The following FER variants were observed in gnomAD, a reference collection of about 807,000 sequenced individuals.
FER encodes the protein FER tyrosine kinase.
A neutral mutation model predicts 111.0 loss-of-function variants in FER; 63 were observed. The observed-to-expected ratio is 0.57, with a 90% CI of 0.46 to 0.70. The LOEUF (loss-of-function observed/expected upper bound fraction) is 0.70, where lower values mean the gene tolerates loss of function less well. Among genes scored for constraint, FER ranks in the 30% least tolerant of loss-of-function variants. The probability of loss-of-function intolerance (pLI) is 0.00; values close to 1 mark genes in which losing one functional copy is unlikely to be tolerated. For synonymous variants in FER, 327 were observed against 313.9 expected (o/e 1.04, Z -0.44); for missense variants, 914 against 954.0 (o/e 0.96, Z 0.55).
intron 8 of FER, among the ~76,000 whole-genome samples, chr5:108,882,381 G>C (rs1465378621): frequency 6.6e-6 from 1 of 151,722 alleles, no homozygotes. Context: ...TATATAGTCA[G>C]TCTAGTTATA....
In FER at chr5:108,879,709, T is replaced by A. The variant is rs1199457196; in HGVS notation, c.924-3687T>A. 3.8e-4 allele frequency among the ~76,000 whole-genome samples: 52 copies of A among 137,690 alleles called. 3 individuals carry two copies. Among genetic ancestry groups the A allele is most frequent in the African/African-American group, 1.5e-3 (52 of 35,816 alleles). The allele number at this position is 137,690 out of a possible 152,430, so 90.3% of individuals were successfully genotyped here. ...TTTTTAGATTAAAAAAAAATATATA[T>A]ATATATATATATATATTTGAGGCAA... is the stretch of plus-strand genomic sequence containing the variant. On this transcript the variant is annotated intron_variant, in intron 8 of 19. Coordinates refer to ENST00000281092, the MANE Select transcript of FER (RefSeq NM_005246.4).
chr5:109,043,475 T>C (rs750946010), intron 14 of FER, among the ~76,000 whole-genome samples: 37 of 152,318 alleles, frequency 2.4e-4, no homozygotes, highest in Non-Finnish European at 2.5e-4. Flanking sequence ...ATGGTAAAAA[T>C]TGAATATAAG....
At chr5:108,778,476 A>C (rs899937648) in intron 2 of FER, among the ~76,000 whole-genome samples, 40 of 152,326 alleles carry the variant, frequency 2.6e-4, no homozygotes, top group Middle Eastern at 3.4e-3. Flanking sequence ...GTTGTTCCAC[A>C]TCCTCACCAG....
In FER at chr5:109,194,643, C is replaced by T. The variant is rs893809771; in HGVS notation, c.*7068C>T. The T allele has an allele frequency of 2.0e-5, 3 of 152,172 alleles. No individual in the cohort carries two copies. The highest frequency in any genetic ancestry group is 7.2e-5 in the African/African-American group (3 of 41,426). 9.4% of individuals were successfully genotyped at this position (152,172 alleles called of 1,614,324 possible). On this transcript the variant is annotated 3_prime_UTR_variant, in exon 20 of 20. Transcript: ENST00000281092. ...ACCACTTAAGCAATTCATCTGATCCCAGAAGATCATACCTTCTTTTGAAAG... is the reference window on the plus strand; with the variant it reads ...ACCACTTAAGCAATTCATCTGATCCTAGAAGATCATACCTTCTTTTGAAAG...
At position 109,188,493 on chromosome 5, in the gene FER, G is replaced by C. The variant is rs138491064; in HGVS notation, c.*918G>C. ...ACAGAGAGCTGTGAAGCAAGAAACA[G>C]ATTTGAACAGGAGGGTGGGCTGGAG... On this transcript the variant is annotated 3_prime_UTR_variant, in exon 20 of 20. Coordinates refer to ENST00000281092, the MANE Select transcript of FER (RefSeq NM_005246.4). The C allele has an allele frequency of 1.3e-5, 2 of 151,812 alleles. No homozygotes were observed. The highest frequency in any genetic ancestry group is 3.9e-4 in the East Asian group (2 of 5,160). The allele number at this position is 151,812 out of a possible 1,614,324, so 9.4% of individuals were successfully genotyped here. A position where few individuals can be genotyped will look rare whatever the true frequency, so the allele number is the denominator to read the frequency against.
chr5:108,757,370 T>A (rs1751234604), intron 1 of FER, among the ~76,000 whole-genome samples: 1 of 152,146 alleles, frequency 6.6e-6, no homozygotes, highest in South Asian at 2.1e-4. Context: ...ATAACATGTT[T>A]CTTTGTAAAA....
At chr5:109,053,368 G>C (rs1016375960) in intron 16 of FER, among the ~76,000 whole-genome samples, 17 of 136,022 alleles carry the variant, frequency 1.2e-4, no homozygotes, top group African/African-American at 3.9e-4. Flanking sequence ...CAGCGAAAGA[G>C]TGAGACTCCG....
chr5:109,155,028 C>T (rs1755219713), intron 17 of FER, among the ~76,000 whole-genome samples: 1 of 151,790 alleles, frequency 6.6e-6, no homozygotes, highest in South Asian at 2.1e-4. Context: ...TCGATATGTA[C>T]CCTACATTTG....
At chr5:108,780,849 AGT>A (rs1491141272) in intron 2 of FER, among the ~76,000 whole-genome samples, 1 of 123,268 alleles carries the variant, frequency 8.1e-6, no homozygotes, top group African/African-American at 3.6e-5. Context: ...TTTGCTTTGT[AGT>A]TTTTTTTTTT....
chr5:109,158,828 G>T (rs1334508207), intron 17 of FER, among the ~76,000 whole-genome samples: 1 of 152,028 alleles, frequency 6.6e-6, no homozygotes, highest in Non-Finnish European at 1.5e-5. Context: ...CTTTCTGTCT[G>T]CCTTTTCTGC....
chr5:108,844,447 A>G (rs995138337), intron 5 of FER, among the ~76,000 whole-genome samples: 15 of 152,204 alleles, frequency 9.9e-5, no homozygotes, highest in African/African-American at 3.6e-4. Flanking sequence ...GCCATGTAGA[A>G]GAATTGCCCT....
At chr5:109,089,131 G>A (rs909813897) in intron 16 of FER, among the ~76,000 whole-genome samples, 2 of 152,158 alleles carry the variant, frequency 1.3e-5, no homozygotes, top group Non-Finnish European at 2.9e-5. Flanking sequence ...CTGTGTATAG[G>A]GTGGGTGGCA....
At chr5:108,899,332 T>A (rs1279269889) in intron 10 of FER, among the ~76,000 whole-genome samples, 1 of 152,168 alleles carries the variant, frequency 6.6e-6, no homozygotes, top group East Asian at 1.9e-4. Flanking sequence ...CCTATTAAAT[T>A]CCCTTTCTTG....
intron 13 of FER, among the ~76,000 whole-genome samples, chr5:109,004,160 C>T (rs998860006): frequency 6.6e-6 from 1 of 152,166 alleles, no homozygotes; most frequent in Admixed American, 6.5e-5. Flanking sequence ...CAGTAAGAAT[C>T]TAGAGCTATC....
intron 3 of FER, among the ~76,000 whole-genome samples, chr5:108,828,259 T>C (rs1247895456): frequency 6.6e-6 from 1 of 152,234 alleles, no homozygotes; most frequent in Non-Finnish European, 1.5e-5. Flanking sequence ...AAAAGCACTT[T>C]TGATAATTCA....
chr5:109,122,960 T>A lies in FER; in HGVS notation c.2048+22441T>A, dbSNP rs901592699. ...TATTTTCAGGATATGTGTGTCTTTA[T>A]GGATGAAGTGTTTTTCTTGTAGGCA... On this transcript the variant is annotated intron_variant, in intron 17 of 19. Transcript: ENST00000281092. 2.0e-5 allele frequency among the ~76,000 whole-genome samples: 3 copies of A among 152,280 alleles called. No individual in the cohort carries two copies. In the South Asian group the frequency reaches 6.2e-4, roughly 32 times the overall value.
chr5:108,797,056 C>T (rs1462703340), intron 2 of FER, among the ~76,000 whole-genome samples: 1 of 151,992 alleles, frequency 6.6e-6, no homozygotes, highest in East Asian at 1.9e-4. Flanking sequence ...GCTGGTTATT[C>T]AGGGACCAGA....
At chr5:109,090,638 G>A (rs1209921238) in intron 16 of FER, among the ~76,000 whole-genome samples, 1 of 152,062 alleles carries the variant, frequency 6.6e-6, no homozygotes, top group Non-Finnish European at 1.5e-5. Context: ...CACAGAGAGG[G>A]AAACTATAAA....
chr5:108,838,934 A>G (rs1409031918), intron 5 of FER, among the ~76,000 whole-genome samples: 3 of 152,224 alleles, frequency 2.0e-5, no homozygotes, highest in Non-Finnish European at 2.9e-5. Context: ...ATTATTACTT[A>G]TAATGGATGC....
Sources: allele counts gnomAD v4.1 joint callset (sites outside exome capture counted in the v4.1 genomes callset), GRCh38; gene constraint gnomAD v4.1.1; transcripts MANE v1.5; gene names NCBI Gene and HGNC (gene_info 2026-07-23, HGNC 2026-07-21).